MYO16: variants seen among roughly 807,000 people sequenced by gnomAD.
MYO16 encodes unconventional myosin-XVI.
Under a neutral mutation model 205.3 loss-of-function variants are expected in MYO16, and 94 were observed. That is an observed-to-expected ratio of 0.46 (90% CI 0.39 to 0.54). The LOEUF (loss-of-function observed/expected upper bound fraction) is 0.54, where lower values mean the gene tolerates loss of function less well. Ranked by LOEUF, MYO16 falls within the 20% of genes least tolerant of loss-of-function variation. MYO16 has a pLI of 0.00. For synonymous variants in MYO16, 988 were observed against 954.0 expected, an observed-to-expected ratio of 1.04 and a Z score of -0.66; for missense variants, 2,315 against 2,387.5, an observed-to-expected ratio of 0.97 and a Z score of 0.63.
At chr13:108,780,359 T>TAA (rs34109900) in intron 4 of MYO16, among the ~76,000 whole-genome samples, 42 of 145,152 alleles carry the variant, frequency 2.9e-4, no homozygotes, top group Middle Eastern at 3.5e-3. Flanking sequence ...ACGTCTGATT[T>TAA]AAAAAAAAAA....
chr13:108,855,307 T>C, intron 10 of MYO16, 136 bp from the exon 11 acceptor site: 1 of 407,552 alleles, frequency 2.5e-6, no homozygotes, highest in East Asian at 3.8e-5. Flanking sequence ...CATTGAACCA[T>C]TTCATCTCTT....
intron 15 of MYO16, among the ~76,000 whole-genome samples, chr13:108,907,462 C>T (rs757860658): frequency 1.3e-5 from 2 of 152,178 alleles, no homozygotes; most frequent in African/African-American, 4.8e-5. Context: ...TGAACACTTA[C>T]ATGAATGCGT....
At chr13:109,122,498 G>A (rs902965125) in intron 29 of MYO16, among the ~76,000 whole-genome samples, 1 of 152,034 alleles carries the variant, frequency 6.6e-6, no homozygotes, top group African/African-American at 2.4e-5. Flanking sequence ...GGCCAACATA[G>A]TGAAACCCCG....
intron 32 of MYO16, among the ~76,000 whole-genome samples, chr13:109,152,732 C>G (rs540470981): frequency 1.6e-3 from 237 of 152,256 alleles, no homozygotes; most frequent in Non-Finnish European, 2.9e-3. Context: ...GAAAACTACC[C>G]TATGGCATGC....
the MYO16 span, among the ~76,000 whole-genome samples, chr13:108,510,453 T>A: frequency 9.5e-6 from 1 of 105,410 alleles, no homozygotes; most frequent in Non-Finnish European, 1.9e-5. Flanking sequence ...TATTTAACAT[T>A]GATAGCTGTT....
chr13:109,012,161 T>C (rs1029477065), intron 22 of MYO16, among the ~76,000 whole-genome samples: 4 of 152,096 alleles, frequency 2.6e-5, no homozygotes, highest in African/African-American at 4.8e-5. Context: ...GGGGACATAA[T>C]AGAAAGAAAA....
intron 32 of MYO16, among the ~76,000 whole-genome samples, chr13:109,153,411 A>ATATAG (rs1877791925): frequency 6.6e-6 from 1 of 151,946 alleles, no homozygotes. Flanking sequence ...ATAGATATAG[A>ATATAG]AAGGATAGAT....
At chr13:108,713,317 A>C (rs1883797289) in intron 3 of MYO16, among the ~76,000 whole-genome samples, 1 of 152,230 alleles carries the variant, frequency 6.6e-6, no homozygotes, top group Admixed American at 6.5e-5. Context: ...TTAAAGATAG[A>C]AACTTAATTT....
intron 4 of MYO16, among the ~76,000 whole-genome samples, chr13:108,752,991 T>A (rs1885290646): frequency 1.3e-5 from 2 of 151,824 alleles, no homozygotes; most frequent in South Asian, 4.2e-4. Flanking sequence ...GTATTAAATA[T>A]GTTAATCAGG....
chr13:108,610,969 T>A (rs1879152366), intron 1 of MYO16, among the ~76,000 whole-genome samples: 1 of 152,220 alleles, frequency 6.6e-6, no homozygotes, highest in Non-Finnish European at 1.5e-5. Flanking sequence ...ATAAAAGAGA[T>A]GACAGGAAAG....
In MYO16 at chr13:108,857,093, T is replaced by C. The variant is rs141612918; in HGVS notation, c.1359+1540T>C. ...TGCATCAAGGACTTTCCTTAGACTG[T>C]TTTTTTGTTTGTTTGTTTCTCCTAG... On this transcript the variant is annotated intron_variant, in intron 11 of 34. Coordinates refer to ENST00000457511, the MANE Select transcript of MYO16 (RefSeq NM_001198950.3). Among the ~76,000 whole-genome samples the C allele has an allele frequency of 3.0e-3, 464 of 152,274 alleles. 6 individuals are homozygous for C. In the East Asian group the frequency reaches 0.036, roughly 12 times the overall value.
intron 3 of MYO16, among the ~76,000 whole-genome samples, chr13:108,719,322 A>G (rs746461665): frequency 1.4e-4 from 22 of 152,300 alleles, no homozygotes; most frequent in Non-Finnish European, 2.6e-4. Context: ...CCTGAAACTC[A>G]CCTACTTAGA....
intron 16 of MYO16, among the ~76,000 whole-genome samples, chr13:108,915,017 G>T (rs1881428524): frequency 6.6e-6 from 1 of 152,168 alleles, no homozygotes; most frequent in Non-Finnish European, 1.5e-5. Context: ...TAAAAATGTT[G>T]AAAGTATCAC....
At chr13:108,794,240 G>A (rs991219987) in intron 6 of MYO16, among the ~76,000 whole-genome samples, 42 of 152,124 alleles carry the variant, frequency 2.8e-4, no homozygotes, top group African/African-American at 8.9e-4. Context: ...TGTTACCTGC[G>A]TAATGAAATA....
chr13:109,192,854 C>T (rs1019692518), intron 34 of MYO16, among the ~76,000 whole-genome samples: 31 of 152,200 alleles, frequency 2.0e-4, no homozygotes, highest in African/African-American at 7.2e-4. Context: ...TCTGTTATGA[C>T]ATCCTGGGTA....
chr13:108,602,576 GAA>G (rs138157643), intron 1 of MYO16, among the ~76,000 whole-genome samples: 1 of 151,914 alleles, frequency 6.6e-6, no homozygotes, highest in South Asian at 2.1e-4. Flanking sequence ...CAAATATGGG[GAA>G]AAAAATCACA....
rs1212949676 is a variant in MYO16 at position 109,162,139 on chromosome 13, T to C, written c.5165-2762T>C. Among the ~76,000 whole-genome samples, 2 of 152,114 alleles carry C rather than the reference T, an allele frequency of 1.3e-5. No individual in the cohort carries two copies. The highest frequency in any genetic ancestry group is 2.9e-5 in the Non-Finnish European group (2 of 68,022). The stretch of plus-strand genomic sequence containing the variant: ...TCTTGGCTATAGTTTAACCTGCCAA[T>C]TGAAAAATAGAAATACGTTTAAACT... On this transcript the variant is annotated intron_variant, in intron 32 of 34. Coordinates refer to ENST00000457511, the MANE Select transcript of MYO16 (RefSeq NM_001198950.3). This position sits in a 1 kb window ranked among gnomAD's most constrained non-coding sequence, Gnocchi z 4.6.
intron 2 of MYO16, among the ~76,000 whole-genome samples, chr13:108,707,378 A>G (rs1472700123): frequency 2.6e-5 from 4 of 152,180 alleles, no homozygotes; most frequent in African/African-American, 9.6e-5. Context: ...CACATCTTTG[A>G]CTGCCTGAAT....
chr13:109,135,678 A>G (rs1213332022), intron 31 of MYO16, among the ~76,000 whole-genome samples: 1 of 152,180 alleles, frequency 6.6e-6, no homozygotes, highest in East Asian at 1.9e-4. Flanking sequence ...TGAGAGACCA[A>G]AGTTTCTTCA....
Sources: gnomAD v4.1 joint callset for allele counts (sites outside exome capture counted in the v4.1 genomes callset) on GRCh38, gnomAD v4.1.1 for gene constraint, Gnocchi (gnomAD v3.1) non-coding constraint, MANE v1.5 for transcripts, NCBI Gene and HGNC (gene_info 2026-07-23, HGNC 2026-07-21) for gene names.